LINGO2: variants seen among roughly 807,000 people sequenced by gnomAD.
The protein encoded by LINGO2 is leucine rich repeat and Ig domain containing 2.
Under a neutral mutation model 30.6 loss-of-function variants are expected in LINGO2, and 14 were observed. The observed-to-expected ratio is 0.46, with a 90% CI of 0.30 to 0.72. The LOEUF (loss-of-function observed/expected upper bound fraction) is 0.72. Ranked by LOEUF, LINGO2 falls within the 30% of genes least tolerant of loss-of-function variation. The probability of loss-of-function intolerance (pLI) is 0.07; values close to 1 mark genes in which losing one functional copy is unlikely to be tolerated. For missense variants in LINGO2, 729 were observed against 751.7 expected (o/e 0.97, Z 0.35); for synonymous variants, 317 against 288.5 (o/e 1.10, Z -1.00).
chr9:28,127,088 C>A (rs1007395627), intron 4 of LINGO2, among the ~76,000 whole-genome samples: 1 of 152,162 alleles, frequency 6.6e-6, no homozygotes, highest in Admixed American at 6.5e-5. Flanking sequence ...GATGAAATTT[C>A]GCTGGAACTC....
At chr9:28,073,199 C>T (rs1441629035) in intron 4 of LINGO2, among the ~76,000 whole-genome samples, 5 of 151,960 alleles carry the variant, frequency 3.3e-5, no homozygotes, top group Admixed American at 2.6e-4. Context: ...TGGAGAAGGG[C>T]GCGCCAAAGT....
Position 28,634,560 on chromosome 9 carries a change from A to C in LINGO2, c.-365+35640T>G, listed in dbSNP as rs1048127042. Among the ~76,000 whole-genome samples, 3 of 143,008 alleles carry C rather than the reference A, an allele frequency of 2.1e-5. No homozygotes were observed. In the Admixed American group the frequency reaches 2.2e-4, roughly 11 times the overall value. 93.8% of individuals were successfully genotyped at this position (143,008 alleles called of 152,430 possible). A position where few individuals can be genotyped will look rare whatever the true frequency, so the allele number is the denominator to read the frequency against. ...GAGTGCAGTGGCACAATCTCAGCTCACTGCAACCACCGCCTTCCGAGTTCA... is the reference window on the plus strand; with the variant it reads ...GAGTGCAGTGGCACAATCTCAGCTCCCTGCAACCACCGCCTTCCGAGTTCA... On this transcript the variant is annotated intron_variant, in intron 1 of 5. Coordinates refer to ENST00000379992, the Ensembl canonical transcript of LINGO2.
At chr9:27,995,970 A>G (rs938897838) in intron 5 of LINGO2, among the ~76,000 whole-genome samples, 2 of 151,950 alleles carry the variant, frequency 1.3e-5, no homozygotes, top group South Asian at 2.1e-4. Flanking sequence ...TTAAAAACTT[A>G]AAAACTTCAA....
chr9:28,827,946 AACAGTAT>A, the LINGO2 span, among the ~76,000 whole-genome samples: 2 of 152,094 alleles, frequency 1.3e-5, no homozygotes, highest in Non-Finnish European at 2.9e-5. Context: ...GATTGTGTAT[AACAGTAT>A]ACACAATCTA....
At chr9:29,195,991 G>A in the LINGO2 span, among the ~76,000 whole-genome samples, 4 of 152,100 alleles carry the variant, frequency 2.6e-5, no homozygotes, top group East Asian at 1.9e-4. Flanking sequence ...AAAATCACAC[G>A]AATCATTTCC....
At chr9:29,196,150 TG>T in the LINGO2 span, among the ~76,000 whole-genome samples, 1 of 152,062 alleles carries the variant, frequency 6.6e-6, no homozygotes, top group African/African-American at 2.4e-5. Flanking sequence ...AATTGGACCC[TG>T]GGATTGCAGA....
At chr9:28,748,545 C>A in the LINGO2 span, among the ~76,000 whole-genome samples, 3 of 152,012 alleles carry the variant, frequency 2.0e-5, no homozygotes, top group Non-Finnish European at 4.4e-5. Context: ...ACCCAAACAT[C>A]TTCCATTAGT....
the LINGO2 span, among the ~76,000 whole-genome samples, chr9:29,026,023 T>C: frequency 2.0e-5 from 3 of 152,102 alleles, no homozygotes; most frequent in African/African-American, 4.8e-5. Flanking sequence ...TTTATATTAT[T>C]GCTTTTCTTT....
intron 4 of LINGO2, among the ~76,000 whole-genome samples, chr9:28,224,878 A>G (rs1051090000): frequency 3.3e-5 from 5 of 152,174 alleles, no homozygotes; most frequent in South Asian, 4.1e-4. Context: ...ATCGAAATAT[A>G]CTACTAAGCT....
intron 1 of LINGO2, among the ~76,000 whole-genome samples, chr9:28,504,606 T>C (rs1265437386): frequency 6.6e-6 from 1 of 151,762 alleles, no homozygotes; most frequent in Non-Finnish European, 1.5e-5. Flanking sequence ...TTTCATTACA[T>C]TTTAATGCAT....
At chr9:28,987,063 T>G in the LINGO2 span, among the ~76,000 whole-genome samples, 3 of 147,258 alleles carry the variant, frequency 2.0e-5, no homozygotes, top group African/African-American at 7.6e-5. Flanking sequence ...TGTTTATAAG[T>G]TCTAACAGGT....
chr9:28,250,488 C>G (rs907193942), intron 4 of LINGO2, among the ~76,000 whole-genome samples: 2 of 152,112 alleles, frequency 1.3e-5, no homozygotes, highest in African/African-American at 4.8e-5. Context: ...GAAGCCCGAA[C>G]AAGTCAGCCT....
At chr9:29,010,585 G>C in the LINGO2 span, among the ~76,000 whole-genome samples, 1 of 152,082 alleles carries the variant, frequency 6.6e-6, no homozygotes, top group East Asian at 1.9e-4. Context: ...AAAGTTTTGT[G>C]CTCCAAAAAT....
intron 1 of LINGO2, among the ~76,000 whole-genome samples, chr9:28,578,393 T>TCC (rs1331584577): frequency 6.6e-6 from 1 of 152,206 alleles, no homozygotes; most frequent in African/African-American, 2.4e-5. Flanking sequence ...ATCCAATTAA[T>TCC]CTTTGCCTGT....
At chr9:28,547,022 C>A (rs899065145) in intron 1 of LINGO2, among the ~76,000 whole-genome samples, 2 of 152,074 alleles carry the variant, frequency 1.3e-5, no homozygotes, top group South Asian at 2.1e-4. Flanking sequence ...GTTGGTGGGA[C>A]AAATTGAATC....
chr9:28,054,064 C>CAAAAAAAAAAAAAAAA lies in LINGO2; in HGVS notation c.-86-41660_-86-41659insTTTTTTTTTTTTTTTT, dbSNP rs11461978. 3.4e-4 allele frequency among the ~76,000 whole-genome samples: 50 copies of CAAAAAAAAAAAAAAAA among 149,182 alleles called. 1 individual carries two copies. The highest frequency in any genetic ancestry group is 1.2e-3 in the African/African-American group (47 of 40,696). ...CGTGGGTTGCAGCCCAGCTAGCAGA[C>CAAAAAAAAAAAAAAAA]AAAAAAAAAGAGAAAGTGGGATTCT... On this transcript the variant is annotated intron_variant, in intron 4 of 5. Coordinates refer to ENST00000379992, the Ensembl canonical transcript of LINGO2.
the LINGO2 span, among the ~76,000 whole-genome samples, chr9:28,825,580 TAA>T: frequency 1.2e-3 from 184 of 148,148 alleles, no homozygotes; most frequent in African/African-American, 4.3e-3. Flanking sequence ...TTTTTTTTTT[TAA>T]TATTACATTT....
the LINGO2 span, among the ~76,000 whole-genome samples, chr9:28,830,079 C>T: frequency 6.6e-6 from 1 of 152,078 alleles, no homozygotes; most frequent in Non-Finnish European, 1.5e-5. Flanking sequence ...AATCCCATTG[C>T]TATAATAACG....
chr9:28,740,282 T>A, the LINGO2 span, among the ~76,000 whole-genome samples: 1 of 151,814 alleles, frequency 6.6e-6, no homozygotes, highest in African/African-American at 2.4e-5. Context: ...GTCTGTGGTG[T>A]TCATGTTTCT....
Sources: gnomAD v4.1 joint callset for allele counts (sites outside exome capture counted in the v4.1 genomes callset) on GRCh38, gnomAD v4.1.1 for gene constraint, MANE v1.5 for transcripts, NCBI Gene and HGNC (gene_info 2026-07-23, HGNC 2026-07-21) for gene names.